The following SAFB variants were observed in gnomAD, a reference collection of about 807,000 sequenced individuals.
The protein encoded by SAFB is scaffold attachment factor B.
Under a neutral mutation model 101.6 loss-of-function variants are expected in SAFB, and 15 were observed. That is an observed-to-expected ratio of 0.15 (90% CI 0.10 to 0.23). The LOEUF (loss-of-function observed/expected upper bound fraction) is 0.23, where lower values mean the gene tolerates loss of function less well. Among genes scored for constraint, SAFB ranks in the 10% least tolerant of loss-of-function variants. The probability of loss-of-function intolerance (pLI) is 1.00; values close to 1 mark genes in which losing one functional copy is unlikely to be tolerated. For synonymous variants in SAFB, 449 were observed against 407.5 expected, an observed-to-expected ratio of 1.10 and a Z score of -1.23; for missense variants, 930 against 1,104.1, an observed-to-expected ratio of 0.84 and a Z score of 2.23.
intron 2 of SAFB, among the ~76,000 whole-genome samples, chr19:5,635,344 C>G (rs916479210): frequency 1.3e-5 from 2 of 152,032 alleles, no homozygotes; most frequent in African/African-American, 4.8e-5. Context: ...GTTTCTGTAA[C>G]TTGTGTCATT....
intron 2 of SAFB, among the ~76,000 whole-genome samples, chr19:5,632,873 G>A (rs188767107): frequency 1.3e-4 from 20 of 152,262 alleles, no homozygotes; most frequent in Middle Eastern, 6.8e-3. Flanking sequence ...AAAGAGTTGG[G>A]ATTACAGACA....
intron 2 of SAFB, among the ~76,000 whole-genome samples, chr19:5,632,632 T>C (rs1305448868): frequency 2.0e-5 from 3 of 152,224 alleles, no homozygotes; most frequent in Non-Finnish European, 4.4e-5. Flanking sequence ...ACACTTATTT[T>C]GTAGTTTATT....
At position 5,667,342 on chromosome 19, in the gene SAFB, T is replaced by C. The variant is rs2054354656; in HGVS notation, c.2454-5T>C. ...AATCCAAATCAGAGATGTCTCTCTT[T>C]CAAGGGGCAGACGTGACTGGGGGGA... On this transcript the variant is annotated splice_region_variant and splice_polypyrimidine_tract_variant and intron_variant, in intron 18 of 20. Coordinates refer to ENST00000588852, the MANE Select transcript of SAFB (RefSeq NM_001201338.2). The surrounding 1 kb of genome is among the most constrained non-coding windows in gnomAD (Gnocchi z 4.0). The C allele has an allele frequency of 2.0e-6, 3 of 1,487,500 alleles. No individual in the cohort carries two copies. The highest frequency in any genetic ancestry group is 2.7e-6 in the Non-Finnish European group (3 of 1,120,098). 92.1% of individuals were successfully genotyped at this position (1,487,500 alleles called of 1,614,324 possible). A position where few individuals can be genotyped will look rare whatever the true frequency, so the allele number is the denominator to read the frequency against.
intron 14 of SAFB, 28 bp downstream of exon 14, chr19:5,657,375 T>G (rs2054087521): frequency 3.0e-4 from 446 of 1,480,414 alleles, no homozygotes; most frequent in Non-Finnish European, 3.8e-4. Flanking sequence ...AACGGTTTGG[T>G]GTTTTTCCTA....
intron 2 of SAFB, among the ~76,000 whole-genome samples, chr19:5,630,371 C>T (rs1361606649): frequency 1.3e-5 from 2 of 152,190 alleles, no homozygotes; most frequent in Non-Finnish European, 2.9e-5. Flanking sequence ...TTGTTTTAAT[C>T]TGTCATTCAA....
chr19:5,654,154 T>A lies in SAFB; in HGVS notation c.1620T>A (p.Asp540Glu). 6.2e-7 allele frequency: 1 copy of A among 1,614,178 alleles called. No individual in the cohort carries two copies. Among genetic ancestry groups the A allele is most frequent in the Non-Finnish European group, 8.5e-7 (1 of 1,180,026 alleles). The change falls in exon 12 of 21, where the codon GAT becomes GAA. Residue 540 changes from aspartate to glutamate, a missense_variant. Physicochemically the swap from Asp to Glu is conservative, Grantham distance 45. This residue lies in a region of SAFB where 92 missense variants were observed against 83.8 expected (regional missense o/e 1.10). Transcript: ENST00000588852. ...DGSGEKSKDQ[D>E]DQKPGPSERS... ...GTGGAGAAAAGAGTAAGGACCAAGATGATCAGAAACCTGGCCCCTCAGAGC... is the reference window on the plus strand; with the variant it reads ...GTGGAGAAAAGAGTAAGGACCAAGAAGATCAGAAACCTGGCCCCTCAGAGC...
intron 8 of SAFB, among the ~76,000 whole-genome samples, chr19:5,650,769 G>A (rs1325740693): frequency 6.6e-6 from 1 of 152,148 alleles, no homozygotes; most frequent in African/African-American, 2.4e-5. Flanking sequence ...ACTCAGTATT[G>A]TGACGGGCCC....
chr19:5,642,427 C>G (rs888459010), intron 4 of SAFB, among the ~76,000 whole-genome samples: 1 of 151,562 alleles, frequency 6.6e-6, no homozygotes, highest in African/African-American at 2.4e-5. Context: ...GCCTGGGTGG[C>G]AGAGTCTGAC....
intron 2 of SAFB, among the ~76,000 whole-genome samples, chr19:5,629,775 C>T (rs1392653988): frequency 1.3e-5 from 2 of 152,180 alleles, no homozygotes; most frequent in Non-Finnish European, 1.5e-5. Flanking sequence ...ATAGCTGTCC[C>T]GGCCAAGTTC....
At chr19:5,660,704 C>CAAAA (rs60011056) in intron 14 of SAFB, among the ~76,000 whole-genome samples, 10 of 76,574 alleles carry the variant, frequency 1.3e-4, no homozygotes, top group Admixed American at 1.6e-4. Context: ...CCATCTCTAC[C>CAAAA]AAAAAAAAAA....
At position 5,653,462 on chromosome 19, in the gene SAFB, TTTG is replaced by T. The variant is rs749462945; in HGVS notation, c.1526+54_1526+56del. On this transcript the variant is annotated intron_variant, in intron 11 of 20. Transcript: ENST00000588852. ...GCTAAATTAAAGGGGCAGGGTGTTT[TTTG>T]TTGTTGTTGTTTTGTTTTTGAGATG... 6.4e-4 allele frequency: 1,011 copies of T among 1,571,660 alleles called. 1 individual carries two copies. Among genetic ancestry groups the T allele is most frequent in the East Asian group, 6.0e-3 (267 of 44,272 alleles).
At chr19:5,663,895 A>T in intron 15 of SAFB, 127 bp from the exon 16 acceptor site, 1 of 1,034,770 alleles carries the variant, frequency 9.7e-7, no homozygotes, top group South Asian at 1.5e-5. Flanking sequence ...CTTGCCTCCT[A>T]TAGGAGAGAA....
At chr19:5,635,019 TC>T (rs1438382553) in intron 2 of SAFB, among the ~76,000 whole-genome samples, 2 of 151,978 alleles carry the variant, frequency 1.3e-5, no homozygotes, top group Non-Finnish European at 2.9e-5. Context: ...GTGCCGGTAA[TC>T]CCAGCTACTC....
rs759956000 is a variant in SAFB at position 5,661,614 on chromosome 19, C to T, written c.1959C>T (p.Ala653=). 61 of 1,612,548 alleles carry T rather than the reference C, an allele frequency of 3.8e-5. No individual in the cohort carries two copies. The highest frequency in any genetic ancestry group is 5.0e-5 in the Non-Finnish European group (59 of 1,179,826). ...TGGAGATTGCCCGAGAGAGGCTGGC[C>T]TTCCAGCGCCAGCGGCTGGAGCGGG... ...ERLEIARERL[A]FQRQRLERER... Residue 653 remains alanine, a synonymous_variant, in exon 15 of 21, where the codon GCC becomes GCT. Coordinates refer to ENST00000588852, the MANE Select transcript of SAFB (RefSeq NM_001201338.2).
rs1184697306 is a variant in SAFB at position 5,658,767 on chromosome 19, C to T, written c.1862+1420C>T. Among the ~76,000 whole-genome samples, 15 of 149,618 alleles carry T rather than the reference C, an allele frequency of 1.0e-4. No individual in the cohort carries two copies. The East Asian group carries it at 2.2e-3, about 22-fold the overall frequency. On this transcript the variant is annotated intron_variant, in intron 14 of 20. Coordinates refer to ENST00000588852, the MANE Select transcript of SAFB (RefSeq NM_001201338.2). ...CTGAGGCAGGAGAATGGCGTGAACC[C>T]GGGAGGCAGAGCTTGTGGTGAGCCA... is the stretch of plus-strand genomic sequence containing the variant.
In SAFB at chr19:5,664,036, A is replaced by G. The variant is rs996451536; in HGVS notation, c.2168A>G (p.Tyr723Cys). 5 of 1,613,848 alleles carry G rather than the reference A, an allele frequency of 3.1e-6. No homozygotes were observed. The highest frequency in any genetic ancestry group is 1.7e-5 in the Admixed American group (1 of 59,988). The change falls in exon 16 of 21, where the codon TAT becomes TGT. Residue 723 changes from tyrosine (Y) to cysteine (C), a missense_variant. Physicochemically the swap from Tyr to Cys is radical, Grantham distance 194. This residue lies in a region of SAFB where 318 missense variants were observed against 342.6 expected (regional missense o/e 0.93). Coordinates refer to ENST00000588852, the MANE Select transcript of SAFB (RefSeq NM_001201338.2). ...PYDLDRRDDA[Y>C]WPEAKRAALD... ...TCCCCTCACAGGCGAGATGATGCCT[A>G]TTGGCCGGAAGCCAAGCGGGCCGCC...
At chr19:5,644,654 G>A (rs1171378255) in intron 4 of SAFB, among the ~76,000 whole-genome samples, 6 of 152,136 alleles carry the variant, frequency 3.9e-5, no homozygotes, top group Admixed American at 2.0e-4. Flanking sequence ...ATCTGAAAAC[G>A]TCTCCCCCTA....
In SAFB at chr19:5,667,159, C is replaced by T. The variant is rs2054347119; in HGVS notation, c.2448C>T (p.Pro816=). ...RMSEGRGLPP[P]PRGRRDWGDH... ...GCGAGGGCCGGGGGCTGCCTCCTCC[C>T]CCCAGGTTTGTGTCCCACACCCGAC... is the stretch of plus-strand genomic sequence containing the variant. Residue 816 remains proline, a synonymous_variant, in exon 18 of 21, where the codon CCC becomes CCT. Coordinates refer to ENST00000588852, the MANE Select transcript of SAFB (RefSeq NM_001201338.2). The surrounding 1 kb of genome is among the most constrained non-coding windows in gnomAD (Gnocchi z 4.0). 1.3e-6 allele frequency: 2 copies of T among 1,585,370 alleles called. No homozygotes were observed. The highest frequency in any genetic ancestry group is 2.7e-5 in the African/African-American group (2 of 74,350).
intron 17 of SAFB, chr19:5,665,197 G>A (rs1285206786): frequency 6.6e-6 from 1 of 152,180 alleles, no homozygotes; most frequent in Non-Finnish European, 1.5e-5. Context: ...GCTCTGTCTC[G>A]GGATCCTCAG....
Sources: gnomAD v4.1 joint callset for allele counts (sites outside exome capture counted in the v4.1 genomes callset) on GRCh38, gnomAD v4.1.1 for gene constraint, gnomAD v4.1.1 regional missense constraint, Gnocchi (gnomAD v3.1) non-coding constraint, MANE v1.5 for transcripts, NCBI Gene and HGNC (gene_info 2026-07-23, HGNC 2026-07-21) for gene names.